JAM2: variants seen among roughly 807,000 people sequenced by gnomAD.
The protein encoded by JAM2 is junctional adhesion molecule B.
A neutral mutation model predicts 42.0 loss-of-function variants in JAM2; 17 were observed. The ratio of observed to expected loss-of-function variants is 0.40; its 90% CI spans 0.28 to 0.61. The LOEUF (loss-of-function observed/expected upper bound fraction) is 0.61, where lower values mean the gene tolerates loss of function less well. Ranked by LOEUF, JAM2 falls within the 20% of genes least tolerant of loss-of-function variation. JAM2 has a pLI of 0.37. For missense variants in JAM2, 319 were observed against 358.3 expected (o/e 0.89, Z 0.89); for synonymous variants, 118 against 128.6 (o/e 0.92, Z 0.56).
At chr21:25,641,436 G>C (rs1338550725) in intron 1 of JAM2, among the ~76,000 whole-genome samples, 1 of 152,186 alleles carries the variant, frequency 6.6e-6, no homozygotes. Flanking sequence ...GAATGGGGCT[G>C]AGTGACCTCT....
chr21:25,705,471 C>T (rs1205763237), intron 6 of JAM2, among the ~76,000 whole-genome samples: 1 of 152,154 alleles, frequency 6.6e-6, no homozygotes, highest in Admixed American at 6.5e-5. Context: ...TTCCTAGCCT[C>T]AAGCAGTCCT....
rs113474891 is a variant in JAM2, at chr21:25,679,979, T to C, written c.68-3904T>C. Reference sequence around the variant, plus strand: ...CCATGTTTCTTACTCTCTTTGTGCCTCAGTTTTCCCACCCTCAAAAATGTG... The same window carrying C: ...CCATGTTTCTTACTCTCTTTGTGCCCCAGTTTTCCCACCCTCAAAAATGTG... On this transcript the variant is annotated intron_variant, in intron 1 of 9. Transcript: ENST00000480456. 7.6e-3 allele frequency among the ~76,000 whole-genome samples: 1,158 copies of C among 152,312 alleles called. 16 individuals are homozygous for C. The highest frequency in any genetic ancestry group is 0.026 in the African/African-American group (1,076 of 41,564).
At chr21:25,709,837 C>A (rs2034346629) in intron 8 of JAM2, 1 of 165,502 alleles carries the variant, frequency 6.0e-6, no homozygotes, top group African/African-American at 2.4e-5. Flanking sequence ...TTTTAAACAA[C>A]CAGATTTCAA....
rs184388956 is a variant in JAM2, at chr21:25,640,138, T to C, written c.67+250T>C. Among the ~76,000 whole-genome samples, 36 of 152,300 alleles carry C rather than the reference T, an allele frequency of 2.4e-4. 1 individual carries two copies. The highest frequency in any genetic ancestry group is 2.0e-3 in the Admixed American group (31 of 15,302). On this transcript the variant is annotated intron_variant, in intron 1 of 9. Transcript: ENST00000480456. ...TTTGTCAGTTCTAGATACAGAAAAT[T>C]AAGGGTTCCCACTAGCAGGTTCTCA...
intron 7 of JAM2, 70 bp from the exon 8 acceptor site, chr21:25,709,364 C>G: frequency 1.3e-6 from 1 of 798,720 alleles, no homozygotes; most frequent in Middle Eastern, 2.7e-4. Context: ...AACCCAAACT[C>G]ATTTTTATAT....
Position 25,714,778 on chromosome 21 carries a change from T to A in JAM2, c.*106T>A, listed in dbSNP as rs942589249. On this transcript the variant is annotated 3_prime_UTR_variant, in exon 10 of 10. Coordinates refer to ENST00000480456, the MANE Select transcript of JAM2 (RefSeq NM_021219.4). ...ATTTGCAAAGAGGTACACGAGGAAA[T>A]GGAATTGGTATTTCATTTTAATTTT... 1.4e-6 allele frequency: 1 copy of A among 698,430 alleles called. No homozygotes were observed. Among genetic ancestry groups the A allele is most frequent in the African/African-American group, 1.9e-5 (1 of 53,400 alleles). The allele number at this position is 698,430 out of a possible 1,614,324, so 43.3% of individuals were successfully genotyped here.
chr21:25,648,806 G>A (rs890609153), intron 1 of JAM2, among the ~76,000 whole-genome samples: 1 of 152,112 alleles, frequency 6.6e-6, no homozygotes, highest in African/African-American at 2.4e-5. Context: ...TCTTTAGGTC[G>A]TTGGTACCTA....
intron 1 of JAM2, among the ~76,000 whole-genome samples, chr21:25,647,014 C>T (rs11087969): frequency 0.59 from 88,991 of 151,998 alleles, 28,787 homozygotes; most frequent in Non-Finnish European, 0.74. Context: ...AAATGCATAA[C>T]CTGGTCTGTC....
Position 25,640,762 on chromosome 21 carries a change from T to C in JAM2, c.67+874T>C, listed in dbSNP as rs563972896. Among the ~76,000 whole-genome samples, 6 of 152,318 alleles carry C rather than the reference T, an allele frequency of 3.9e-5. No individual in the cohort carries two copies. In the South Asian group the frequency reaches 1.2e-3, roughly 32 times the overall value. On this transcript the variant is annotated intron_variant, in intron 1 of 9. Coordinates refer to ENST00000480456, the MANE Select transcript of JAM2 (RefSeq NM_021219.4). ...TTTCTTTTTTCTCTCACCTTTTTTGTTTTGCTTTTTTCCCTTCCTTCCTTC... is the reference window on the plus strand; with the variant it reads ...TTTCTTTTTTCTCTCACCTTTTTTGCTTTGCTTTTTTCCCTTCCTTCCTTC...
intron 1 of JAM2, among the ~76,000 whole-genome samples, chr21:25,660,491 G>A (rs559113424): frequency 9.9e-5 from 15 of 152,054 alleles, no homozygotes; most frequent in Middle Eastern, 3.4e-3. Context: ...AATGATGAGT[G>A]GTTGCTATAT....
intron 1 of JAM2, among the ~76,000 whole-genome samples, chr21:25,674,765 C>G (rs1209786950): frequency 6.6e-6 from 1 of 151,014 alleles, no homozygotes; most frequent in Non-Finnish European, 1.5e-5. Flanking sequence ...TTTCTTTCTC[C>G]CCTACTCTCT....
chr21:25,648,032 G>A (rs1324307261), intron 1 of JAM2, among the ~76,000 whole-genome samples: 1 of 152,206 alleles, frequency 6.6e-6, no homozygotes, highest in Non-Finnish European at 1.5e-5. Context: ...CCAACGTGGT[G>A]AAACCCTGTA....
intron 8 of JAM2, chr21:25,712,000 T>G: frequency 4.4e-6 from 1 of 229,014 alleles, no homozygotes; most frequent in Admixed American, 5.4e-5. Flanking sequence ...AATTTTGAGA[T>G]TATAATAGTC....
intron 3 of JAM2, among the ~76,000 whole-genome samples, 177 bp downstream of exon 3, chr21:25,690,150 A>G (rs1465633663): frequency 1.3e-5 from 2 of 152,234 alleles, no homozygotes; most frequent in African/African-American, 2.4e-5. Context: ...AGCAGAGAAC[A>G]GAGGGAGGTG....
chr21:25,650,470 C>A (rs1322255274), intron 1 of JAM2, among the ~76,000 whole-genome samples: 1 of 152,186 alleles, frequency 6.6e-6, no homozygotes. Flanking sequence ...CTCCATTGTG[C>A]TACTGCCACC....
At chr21:25,685,437 A>T (rs1440004457) in intron 2 of JAM2, among the ~76,000 whole-genome samples, 4 of 147,626 alleles carry the variant, frequency 2.7e-5, no homozygotes, top group Non-Finnish European at 5.9e-5. Flanking sequence ...AGGTGGATGG[A>T]TCACTTGAGT....
chr21:25,690,325 C>T (rs966877890), intron 3 of JAM2, among the ~76,000 whole-genome samples: 2 of 150,756 alleles, frequency 1.3e-5, no homozygotes, highest in Admixed American at 6.6e-5. Flanking sequence ...TTCCTTCCTT[C>T]CCTTTCTTGC....
chr21:25,693,797 C>T lies in JAM2; in HGVS notation c.283C>T (p.Arg95Trp), dbSNP rs372458284. The T allele has an allele frequency of 5.0e-6, 8 of 1,613,786 alleles. No individual in the cohort carries two copies. The highest frequency in any genetic ancestry group is 2.2e-5 in the South Asian group (2 of 91,058). The stretch of plus-strand genomic sequence containing the variant: ...AGCTGAGATGATAGATTTCAATATC[C>T]GGATCAAAAATGTGACAAGAAGTGA... ...NRAEMIDFNI[R>W]IKNVTRSDAG... Residue 95 changes from arginine (R) to tryptophan (W), a missense_variant, in exon 4 of 10, where the codon CGG (arginine) becomes TGG (tryptophan). Coordinates refer to ENST00000480456, the MANE Select transcript of JAM2 (RefSeq NM_021219.4).
rs568828948 is a variant in JAM2 at position 25,660,039 on chromosome 21, T to G, written c.67+20151T>G. ...TTCAAGCAACTCTCCTGCCTCAGCC[T>G]TCTGAGTAGCTGGGACTACAGGCCA... On this transcript the variant is annotated intron_variant, in intron 1 of 9. Transcript: ENST00000480456. Among the ~76,000 whole-genome samples, 3 of 152,272 alleles carry G rather than the reference T, an allele frequency of 2.0e-5. No homozygotes were observed. In the South Asian group the frequency reaches 6.2e-4, roughly 32 times the overall value.
Sources: gnomAD v4.1 joint callset for allele counts (sites outside exome capture counted in the v4.1 genomes callset) on GRCh38, gnomAD v4.1.1 for gene constraint, MANE v1.5 for transcripts, NCBI Gene and HGNC (gene_info 2026-07-23, HGNC 2026-07-21) for gene names.